ANKHD1: variants seen among roughly 807,000 people sequenced by gnomAD.
The protein encoded by ANKHD1 is ankyrin repeat and KH domain containing 1.
In ANKHD1, 31 loss-of-function variants were observed where a neutral mutation model predicts 230.5. The ratio of observed to expected loss-of-function variants is 0.13; its 90% CI spans 0.10 to 0.18. ANKHD1 has a LOEUF of 0.18. Among genes scored for constraint, ANKHD1 ranks in the 10% least tolerant of loss-of-function variants. The pLI, the probability that ANKHD1 is intolerant of heterozygous loss-of-function variation, is 1.00. For synonymous variants in ANKHD1, 1,074 were observed against 1,117.6 expected (o/e 0.96, Z 0.78); for missense variants, 2,256 against 3,071.3 (o/e 0.73, Z 6.27).
intron 4 of ANKHD1, 137 bp downstream of exon 4, chr5:140,440,403 G>A (rs1278728481): frequency 8.5e-6 from 11 of 1,292,082 alleles, no homozygotes; most frequent in Non-Finnish European, 1.0e-5. Flanking sequence ...TTTTGGTAGT[G>A]GGTAAAGTAG....
intron 25 of ANKHD1, among the ~76,000 whole-genome samples, chr5:140,525,433 T>G (rs938237690): frequency 2.0e-5 from 3 of 152,048 alleles, no homozygotes; most frequent in African/African-American, 7.2e-5. Context: ...CAGCTAATTT[T>G]TGTATTTTTT....
At chr5:140,447,122 T>TG (rs200097971) in intron 6 of ANKHD1, among the ~76,000 whole-genome samples, 1,880 of 152,242 alleles carry the variant, frequency 0.012, 34 homozygotes, top group African/African-American at 0.043. Context: ...TTAGTCAGTC[T>TG]GGTCTCCTGA....
chr5:140,449,089 T>C, intron 6 of ANKHD1, 122 bp from the exon 7 acceptor site: 1 of 1,036,778 alleles, frequency 9.6e-7, no homozygotes, highest in African/African-American at 1.6e-5. Context: ...GATTTATTTA[T>C]TGAATGCAAA....
At position 140,497,106 on chromosome 5, in the gene ANKHD1, T is replaced by C. The variant is rs1752069747; in HGVS notation, c.2832T>C (p.Asn944=). The part of the protein sequence containing the change: ...QCNFSSDLGS[N]GTNSLELQKV... Reference sequence around the variant, plus strand: ...ACTTTTCCAGTGACTTAGGTTCTAATGGGACAAATTCTCTTGAACTTCAGA... The same window carrying C: ...ACTTTTCCAGTGACTTAGGTTCTAACGGGACAAATTCTCTTGAACTTCAGA... The change falls in exon 15 of 34, where the codon AAT becomes AAC. Residue 944 remains asparagine, a synonymous_variant. Transcript: ENST00000360839. 1.2e-6 allele frequency: 2 copies of C among 1,614,200 alleles called. No individual in the cohort carries two copies. The highest frequency in any genetic ancestry group is 1.7e-6 in the Non-Finnish European group (2 of 1,180,024).
At position 140,527,216 on chromosome 5, in the gene ANKHD1, A is replaced by C. The variant is rs1753643714; in HGVS notation, c.5087+142A>C. On this transcript the variant is annotated intron_variant, in intron 27 of 33. Coordinates refer to ENST00000360839, the MANE Select transcript of ANKHD1 (RefSeq NM_017747.3). The surrounding 1 kb of genome is among the most constrained non-coding windows in gnomAD (Gnocchi z 4.5). ...GCCACACTAAATCCAGAATATGCTA[A>C]AGCAAAATTAGAAGCAGTATGTAAA... is the stretch of plus-strand genomic sequence containing the variant. 1 of 1,270,030 alleles carries C rather than the reference A, an allele frequency of 7.9e-7. No homozygotes were observed. Among genetic ancestry groups the C allele is most frequent in the African/African-American group, 1.5e-5 (1 of 64,650 alleles). The allele number at this position is 1,270,030 out of a possible 1,614,324, so 78.7% of individuals were successfully genotyped here.
chr5:140,491,092 G>GTATATATA (rs377535904), intron 14 of ANKHD1, among the ~76,000 whole-genome samples: 1 of 102,414 alleles, frequency 9.8e-6, no homozygotes, highest in African/African-American at 4.0e-5. Context: ...GTGTGTGTGT[G>GTATATATA]TATATATATA....
intron 9 of ANKHD1, among the ~76,000 whole-genome samples, chr5:140,463,631 A>G (rs1581288324): frequency 6.6e-6 from 1 of 152,030 alleles, no homozygotes; most frequent in Non-Finnish European, 1.5e-5. Flanking sequence ...CAGTACTTCC[A>G]ATTCAGAACC....
chr5:140,506,286 T>C lies in ANKHD1; in HGVS notation c.3408+417T>C, dbSNP rs1752531453. ...AGGAATGGGTACTTCTGTTAACTTT[T>C]ATGGGAATGTAAATGCCCTTTTTTT... On this transcript the variant is annotated intron_variant, in intron 18 of 33. Transcript: ENST00000360839. The surrounding 1 kb of genome is among the most constrained non-coding windows in gnomAD (Gnocchi z 4.7). 6.6e-6 allele frequency among the ~76,000 whole-genome samples: 1 copy of C among 152,172 alleles called. No individual in the cohort carries two copies. Among genetic ancestry groups the C allele is most frequent in the South Asian group, 2.1e-4 (1 of 4,834 alleles).
At chr5:140,415,147 G>A (rs1771256881) in intron 1 of ANKHD1, among the ~76,000 whole-genome samples, 2 of 152,098 alleles carry the variant, frequency 1.3e-5, no homozygotes, top group Admixed American at 6.6e-5. Flanking sequence ...GCTTTGGGGG[G>A]CCGAGGCGGG....
chr5:140,461,671 T>G lies in ANKHD1; in HGVS notation c.1672+2316T>G, dbSNP rs1416941170. Among the ~76,000 whole-genome samples the G allele has an allele frequency of 2.0e-5, 3 of 152,128 alleles. No homozygotes were observed. In the East Asian group the frequency reaches 5.8e-4, roughly 29 times the overall value. On this transcript the variant is annotated intron_variant, in intron 9 of 33. Transcript: ENST00000360839. Reference sequence around the variant, plus strand: ...CCCATTCTTACAAAATTATTTTTATTTAAAAGAAACATTTTTAACTTTTTA... The same window carrying G: ...CCCATTCTTACAAAATTATTTTTATGTAAAAGAAACATTTTTAACTTTTTA...
At position 140,527,828 on chromosome 5, in the gene ANKHD1, G is replaced by C. The variant is rs1753670696; in HGVS notation, c.5088-45G>C. 6.4e-7 allele frequency: 1 copy of C among 1,559,554 alleles called. No individual in the cohort carries two copies. The highest frequency in any genetic ancestry group is 1.4e-5 in the African/African-American group (1 of 73,032). On this transcript the variant is annotated intron_variant, in intron 27 of 33. Coordinates refer to ENST00000360839, the MANE Select transcript of ANKHD1 (RefSeq NM_017747.3). The surrounding 1 kb of genome is among the most constrained non-coding windows in gnomAD (Gnocchi z 4.5). ...TTACTAAGACATCTTTCTTAATAAA[G>C]AGACATTTAATTTCATAAGCTCATG...
At chr5:140,457,417 C>T (rs567035324) in intron 7 of ANKHD1, among the ~76,000 whole-genome samples, 27 of 152,240 alleles carry the variant, frequency 1.8e-4, no homozygotes, top group African/African-American at 5.8e-4. Context: ...ATGTTTATTG[C>T]GGCACTATTC....
chr5:140,528,233 A>C lies in ANKHD1; in HGVS notation c.5287A>C (p.Ile1763Leu). 1 of 1,611,378 alleles carries C rather than the reference A, an allele frequency of 6.2e-7. No individual in the cohort carries two copies. Among genetic ancestry groups the C allele is most frequent in the Non-Finnish European group, 8.5e-7 (1 of 1,179,708 alleles). ...RYAVQLINAL[I>L]QDPAKELEDL... ...TGCAGTTCAACTAATCAATGCACTC[A>C]TTCAAGATCCTGCTAAGGAACTGGA... is the stretch of plus-strand genomic sequence containing the variant. The change falls in exon 29 of 34, where the codon ATT (isoleucine) becomes CTT (leucine). Residue 1763 changes from isoleucine to leucine, a missense_variant. This residue lies in a region of ANKHD1 where 778 missense variants were observed against 966.5 expected (regional missense o/e 0.80). Coordinates refer to ENST00000360839, the MANE Select transcript of ANKHD1 (RefSeq NM_017747.3).
chr5:140,456,166 C>T (rs1464159359), intron 7 of ANKHD1, among the ~76,000 whole-genome samples: 2 of 152,146 alleles, frequency 1.3e-5, no homozygotes, highest in East Asian at 3.9e-4. Context: ...ATGTAAAGGA[C>T]CTCTTCAAGG....
intron 30 of ANKHD1, 99 bp from the exon 31 acceptor site, chr5:140,537,290 A>T (rs183032959): frequency 6.7e-7 from 1 of 1,484,176 alleles, no homozygotes; most frequent in African/African-American, 1.4e-5. Flanking sequence ...TCATATTCTT[A>T]TAGTTTTTTA....
chr5:140,419,776 TTCTTTC>T (rs1244146225), intron 1 of ANKHD1, among the ~76,000 whole-genome samples: 1 of 13,846 alleles, frequency 7.2e-5, no homozygotes, highest in Non-Finnish European at 1.6e-4. Flanking sequence ...TCCTTTCTTT[TTCTTTC>T]TTTCTTTCTT....
intron 1 of ANKHD1, among the ~76,000 whole-genome samples, chr5:140,411,512 T>C (rs1032192611): frequency 1.2e-4 from 18 of 150,022 alleles, no homozygotes; most frequent in African/African-American, 4.4e-4. Context: ...TTTTTTTTTT[T>C]GGCTGTTTTT....
intron 10 of ANKHD1, among the ~76,000 whole-genome samples, chr5:140,473,868 A>AT (rs1300899412): frequency 6.6e-6 from 1 of 152,132 alleles, no homozygotes; most frequent in African/African-American, 2.4e-5. Flanking sequence ...TCAAAACAGG[A>AT]TTTTTTTAAA....
chr5:140,509,839 A>G, intron 21 of ANKHD1, 27 bp downstream of exon 21: 1 of 1,587,970 alleles, frequency 6.3e-7, no homozygotes, highest in Non-Finnish European at 8.5e-7. Context: ...TATATGTAGA[A>G]CTTCTCATGG....
Sources: gnomAD v4.1 joint callset for allele counts (sites outside exome capture counted in the v4.1 genomes callset) on GRCh38, gnomAD v4.1.1 for gene constraint, gnomAD v4.1.1 regional missense constraint, Gnocchi (gnomAD v3.1) non-coding constraint, MANE v1.5 for transcripts, NCBI Gene and HGNC (gene_info 2026-07-23, HGNC 2026-07-21) for gene names.